UNC13C: variants seen among roughly 807,000 people sequenced by gnomAD.
The protein encoded by UNC13C is unc-13 homolog C.
UNC13C carries 174 observed loss-of-function variants against 245.4 expected under a neutral mutation model. The ratio of observed to expected loss-of-function variants is 0.71; its 90% CI spans 0.63 to 0.80. The LOEUF (loss-of-function observed/expected upper bound fraction) is 0.80, where lower values mean the gene tolerates loss of function less well. Among genes scored for constraint, UNC13C ranks in the 30% least tolerant of loss-of-function variants. UNC13C has a pLI of 0.00. For synonymous variants in UNC13C, 992 were observed against 895.1 expected (o/e 1.11, Z -1.93); for missense variants, 2,829 against 2,602.9 (o/e 1.09, Z -1.89).
rs1305454965 is a variant in UNC13C at position 54,626,894 on chromosome 15, T to C, written c.6426T>C (p.Phe2142=). The change falls in exon 33 of 33, where the codon TTT becomes TTC. Residue 2142 remains phenylalanine, a synonymous_variant. Coordinates refer to ENST00000260323, the MANE Select transcript of UNC13C (RefSeq NM_001080534.3). The part of the protein sequence containing the change: ...ELHLSVKDYC[F]AREDRIIGMT... ...ATCTCTCAGTTAAGGATTACTGCTT[T>C]GCCAGAGAAGATCGAATTATCGGAA... 2 of 1,613,240 alleles carry C rather than the reference T, an allele frequency of 1.2e-6. No homozygotes were observed. The highest frequency in any genetic ancestry group is 1.7e-5 in the Admixed American group (1 of 59,852).
chr15:54,082,813 T>G (rs1899026548), intron 2 of UNC13C, among the ~76,000 whole-genome samples: 1 of 152,142 alleles, frequency 6.6e-6, no homozygotes, highest in Non-Finnish European at 1.5e-5. Context: ...CGGTTTTGTT[T>G]CTGGGTGCTT....
chr15:54,550,548 C>T (rs930421791), intron 28 of UNC13C, among the ~76,000 whole-genome samples: 1 of 152,056 alleles, frequency 6.6e-6, no homozygotes, highest in Non-Finnish European at 1.5e-5. Flanking sequence ...AGGGGAAAAA[C>T]AAAATGTATA....
At position 54,393,067 on chromosome 15, in the gene UNC13C, C is replaced by T. The variant is rs770259408; in HGVS notation, c.4733C>T (p.Pro1578Leu). The T allele has an allele frequency of 1.4e-5, 22 of 1,605,342 alleles. No individual in the cohort carries two copies. The Admixed American group carries it at 2.8e-4, about 20-fold the overall frequency. Reference protein sequence around the residue: ...LTDPSKKQDIPREDQGPTTKN... With the variant: ...LTDPSKKQDILREDQGPTTKN... ...GAGCAGAGTAAGAAACAGGATATTC[C>T]TCGTGAAGATCAGGGACCAACCACC... The change falls in exon 18 of 33, where the codon CCT becomes CTT. Residue 1578 changes from proline to leucine, a missense_variant. Transcript: ENST00000260323.
Position 54,013,693 on chromosome 15 carries a change from C to T in UNC13C, c.790C>T (p.Arg264Ter), listed in dbSNP as rs1595713365. 6.8e-6 allele frequency: 11 copies of T among 1,613,610 alleles called. No homozygotes were observed. The highest frequency in any genetic ancestry group is 1.1e-5 in the South Asian group (1 of 91,050). The stretch of plus-strand genomic sequence containing the variant: ...GATTGAAACAGAACTTTCTGAACTA[C>T]GAGGGCACGTCAATGCTCTCAAGCA... ...SQIETELSELRGHVNALKHSI... is the reference protein window; with the variant it reads ...SQIETELSEL Residue 264 changes from arginine (R) to a stop codon, truncating the protein, a stop_gained, in exon 2 of 33, where the codon CGA (arginine) becomes TGA (stop). Coordinates refer to ENST00000260323, the MANE Select transcript of UNC13C (RefSeq NM_001080534.3). LOFTEE classifies it high-confidence loss of function.
intron 19 of UNC13C, among the ~76,000 whole-genome samples, chr15:54,447,147 G>T (rs1478716838): frequency 6.6e-6 from 1 of 152,180 alleles, no homozygotes; most frequent in Non-Finnish European, 1.5e-5. Flanking sequence ...AAGCCCACTT[G>T]ATCATGGTGG....
chr15:54,115,671 T>A (rs8029438), intron 2 of UNC13C, among the ~76,000 whole-genome samples: 148,410 of 152,200 alleles, frequency 0.98, 72,478 homozygotes, highest in East Asian at 1. Context: ...TTTCATTTGG[T>A]TAAAACTTAA....
the UNC13C span, among the ~76,000 whole-genome samples, chr15:53,929,860 G>A: frequency 6.6e-6 from 1 of 152,144 alleles, no homozygotes; most frequent in East Asian, 1.9e-4. Flanking sequence ...GAATTCCTAT[G>A]AGAATAATAT....
intron 10 of UNC13C, among the ~76,000 whole-genome samples, chr15:54,268,389 C>A (rs2036601602): frequency 6.6e-6 from 1 of 152,054 alleles, no homozygotes; most frequent in African/African-American, 2.4e-5. Flanking sequence ...CCTTCCCTAC[C>A]AATTCTAACA....
At chr15:54,448,397 G>C (rs1890956761) in intron 19 of UNC13C, among the ~76,000 whole-genome samples, 1 of 152,122 alleles carries the variant, frequency 6.6e-6, no homozygotes, top group Admixed American at 6.6e-5. Flanking sequence ...CATTATTATT[G>C]TTTGGGAGTC....
At chr15:54,410,997 C>T (rs12911850) in intron 18 of UNC13C, among the ~76,000 whole-genome samples, 43,129 of 151,918 alleles carry the variant, frequency 0.28, 6,681 homozygotes, top group East Asian at 0.51. Flanking sequence ...TTTGCTAGCC[C>T]TTAGTATTGG....
chr15:54,456,140 G>T (rs1891509164), intron 19 of UNC13C, among the ~76,000 whole-genome samples: 2 of 151,872 alleles, frequency 1.3e-5, no homozygotes, highest in Admixed American at 1.3e-4. Flanking sequence ...TCCCCACTTT[G>T]CCGAGCATCA....
the UNC13C span, among the ~76,000 whole-genome samples, chr15:53,890,236 G>C: frequency 6.6e-6 from 1 of 151,626 alleles, no homozygotes; most frequent in Non-Finnish European, 1.5e-5. Context: ...CCGCCTTCTG[G>C]GTTCACACCA....
At chr15:54,061,753 C>T (rs1236296610) in intron 2 of UNC13C, among the ~76,000 whole-genome samples, 1 of 152,130 alleles carries the variant, frequency 6.6e-6, no homozygotes, top group African/African-American at 2.4e-5. Context: ...TCACTGTATG[C>T]AGCCTGATAA....
chr15:54,532,559 T>A (rs1205066822), intron 25 of UNC13C, among the ~76,000 whole-genome samples: 1 of 152,136 alleles, frequency 6.6e-6, no homozygotes, highest in African/African-American at 2.4e-5. Context: ...CCGTTATCAT[T>A]AGCAAACTAA....
At chr15:54,568,298 G>C (rs1897604073) in intron 30 of UNC13C, among the ~76,000 whole-genome samples, 1 of 151,966 alleles carries the variant, frequency 6.6e-6, no homozygotes, top group Non-Finnish European at 1.5e-5. Flanking sequence ...GTGGATTTCT[G>C]GTCTTGGTAT....
At chr15:54,418,345 G>A (rs952119359) in intron 19 of UNC13C, among the ~76,000 whole-genome samples, 9 of 152,034 alleles carry the variant, frequency 5.9e-5, no homozygotes, top group Non-Finnish European at 8.8e-5. Flanking sequence ...ATACAAAGTC[G>A]AAAAATATTC....
intron 2 of UNC13C, among the ~76,000 whole-genome samples, chr15:54,023,160 T>C (rs1895970170): frequency 6.6e-6 from 1 of 152,214 alleles, no homozygotes; most frequent in South Asian, 2.1e-4. Context: ...AAGGTACTGT[T>C]AGCCTCATCT....
chr15:54,027,785 CTTT>C (rs754006574), intron 2 of UNC13C, among the ~76,000 whole-genome samples: 2 of 140,956 alleles, frequency 1.4e-5, no homozygotes, highest in Non-Finnish European at 3.1e-5. Context: ...TGCACATTTC[CTTT>C]TTTTTTTTTT....
chr15:54,185,322 G>A (rs1165125033), intron 4 of UNC13C, among the ~76,000 whole-genome samples: 1 of 152,000 alleles, frequency 6.6e-6, no homozygotes, highest in African/African-American at 2.4e-5. Context: ...TGCTTTTGGT[G>A]TTTTAGACAT....
Sources: allele counts gnomAD v4.1 joint callset (sites outside exome capture counted in the v4.1 genomes callset), GRCh38; gene constraint gnomAD v4.1.1; transcripts MANE v1.5; gene names NCBI Gene and HGNC (gene_info 2026-07-23, HGNC 2026-07-21).